Variants in MCU observed in about 807,000 individuals in gnomAD.
The protein encoded by MCU is calcium uniporter protein, mitochondrial.
In MCU, 12 loss-of-function variants were observed where a neutral mutation model predicts 45.2. The observed-to-expected ratio is 0.27, with a 90% CI of 0.17 to 0.43. The LOEUF is 0.43. Among genes scored for constraint, MCU ranks in the 20% least tolerant of loss-of-function variants. The probability of loss-of-function intolerance (pLI) is 1.00; values close to 1 mark genes in which losing one functional copy is unlikely to be tolerated. For synonymous variants in MCU, 160 were observed against 165.1 expected (o/e 0.97, Z 0.24); for missense variants, 324 against 436.7 (o/e 0.74, Z 2.30).
intron 1 of MCU, among the ~76,000 whole-genome samples, chr10:72,768,090 TA>T (rs1390803075): frequency 3.3e-5 from 5 of 151,150 alleles, no homozygotes; most frequent in African/African-American, 1.2e-4. Context: ...AACGAGCAGT[TA>T]TCTTTGAACC....
intron 1 of MCU, among the ~76,000 whole-genome samples, chr10:72,831,134 A>G (rs1844872159): frequency 6.6e-6 from 1 of 152,216 alleles, no homozygotes; most frequent in Non-Finnish European, 1.5e-5. Flanking sequence ...ATTTACAGAG[A>G]AGAATATGAA....
At chr10:72,735,366 T>C (rs887645982) in intron 1 of MCU, among the ~76,000 whole-genome samples, 2 of 152,130 alleles carry the variant, frequency 1.3e-5, no homozygotes, top group Non-Finnish European at 2.9e-5. Flanking sequence ...CCATATATGA[T>C]CTAAAAAGTT....
chr10:72,822,233 C>T (rs1465413195), intron 1 of MCU, among the ~76,000 whole-genome samples: 5 of 152,166 alleles, frequency 3.3e-5, no homozygotes, highest in Non-Finnish European at 4.4e-5. Context: ...GATCGCACCA[C>T]TGCACTCCAG....
chr10:72,825,742 T>A (rs1027614388), intron 1 of MCU, among the ~76,000 whole-genome samples: 3 of 152,210 alleles, frequency 2.0e-5, no homozygotes, highest in African/African-American at 7.2e-5. Context: ...TTGAACTGTT[T>A]CTCTAAACTA....
In MCU at chr10:72,875,653, CTTG is replaced by C. The variant is rs548462081; in HGVS notation, c.861+4076_861+4078del. The stretch of plus-strand genomic sequence containing the variant: ...ACTGCTGTTACTATGAGTTGCTGTA[CTTG>C]TTAACAGTCTAAATATATCCCAATA... On this transcript the variant is annotated intron_variant, in intron 6 of 7. Transcript: ENST00000373053. Among the ~76,000 whole-genome samples, 435 of 152,332 alleles carry C rather than the reference CTTG, an allele frequency of 2.9e-3. 2 individuals are homozygous for C. The highest frequency in any genetic ancestry group is 9.8e-3 in the African/African-American group (408 of 41,574).
At chr10:72,804,022 ATATAT>A (rs1844383506) in intron 1 of MCU, among the ~76,000 whole-genome samples, 14 of 6,202 alleles carry the variant, frequency 2.3e-3, no homozygotes, top group Admixed American at 2.3e-3. Context: ...AAGTAAATAT[ATATAT>A]ATATATATAT....
At chr10:72,715,856 A>G (rs1023138455) in intron 1 of MCU, 19 of 985,422 alleles carry the variant, frequency 1.9e-5, no homozygotes, top group Non-Finnish European at 1.9e-5. Flanking sequence ...TGTCTTAGGT[A>G]TTGGTGATGT....
At chr10:72,823,528 C>A (rs1361605830) in intron 1 of MCU, among the ~76,000 whole-genome samples, 1 of 152,142 alleles carries the variant, frequency 6.6e-6, no homozygotes, top group Non-Finnish European at 1.5e-5. Flanking sequence ...ATGTGAAAAT[C>A]ATCTTAACTC....
At chr10:72,692,830 C>G in intron 1 of MCU, 1 of 1,426,454 alleles carries the variant, frequency 7.0e-7, no homozygotes, top group East Asian at 2.5e-5. Context: ...CTCTCGTCCC[C>G]GAGGGGTCGG....
chr10:72,749,391 A>G (rs1463843213), intron 1 of MCU, among the ~76,000 whole-genome samples: 1 of 152,214 alleles, frequency 6.6e-6, no homozygotes, highest in Non-Finnish European at 1.5e-5. Flanking sequence ...CTAAGGTATA[A>G]GGTATTTACT....
At chr10:72,734,115 T>C (rs919991065) in intron 1 of MCU, among the ~76,000 whole-genome samples, 18 of 152,092 alleles carry the variant, frequency 1.2e-4, no homozygotes, top group African/African-American at 1.7e-4. Flanking sequence ...GTGCGTTTGC[T>C]CACACCTGTA....
chr10:72,829,522 A>G (rs1173752989), intron 1 of MCU, among the ~76,000 whole-genome samples: 1 of 151,692 alleles, frequency 6.6e-6, no homozygotes, highest in Non-Finnish European at 1.5e-5. Flanking sequence ...GTTTTTGCTG[A>G]CTTTTCTTTC....
intron 1 of MCU, among the ~76,000 whole-genome samples, chr10:72,801,510 A>G (rs1844341076): frequency 6.7e-6 from 1 of 149,588 alleles, no homozygotes; most frequent in Admixed American, 6.7e-5. Context: ...CTTCACATAA[A>G]CCCTACTTCT....
At chr10:72,726,948 G>A (rs1457286201) in intron 1 of MCU, among the ~76,000 whole-genome samples, 2 of 152,120 alleles carry the variant, frequency 1.3e-5, no homozygotes, top group Non-Finnish European at 2.9e-5. Context: ...TAAAACAAAA[G>A]TCTTTCATCA....
At chr10:72,874,601 A>G (rs538391914) in intron 6 of MCU, among the ~76,000 whole-genome samples, 1 of 152,330 alleles carries the variant, frequency 6.6e-6, no homozygotes, top group Non-Finnish European at 1.5e-5. Context: ...TGTGTCTAAT[A>G]GAGAAGAAAG....
chr10:72,771,050 T>A (rs1378816278), intron 1 of MCU, among the ~76,000 whole-genome samples: 1 of 152,192 alleles, frequency 6.6e-6, no homozygotes, highest in Non-Finnish European at 1.5e-5. Context: ...TCATGGTTTT[T>A]AAAAAATTAT....
At chr10:72,756,761 C>G (rs945891744) in intron 1 of MCU, 1 of 152,106 alleles carries the variant, frequency 6.6e-6, no homozygotes, top group East Asian at 1.9e-4. Context: ...TGCCCCGCCC[C>G]CCGTGTCCAG....
At chr10:72,824,559 A>G (rs187054869) in intron 1 of MCU, among the ~76,000 whole-genome samples, 5 of 152,126 alleles carry the variant, frequency 3.3e-5, no homozygotes, top group African/African-American at 1.2e-4. Flanking sequence ...TAAGACAGTT[A>G]TGTTAGAAAT....
At chr10:72,875,148 G>C (rs7082193) in intron 6 of MCU, among the ~76,000 whole-genome samples, 6,095 of 152,202 alleles carry the variant, frequency 0.04, 398 homozygotes, top group African/African-American at 0.14. Flanking sequence ...ATTGAATCCA[G>C]ATTTGTGTGG....
Sources: allele counts gnomAD v4.1 joint callset (sites outside exome capture counted in the v4.1 genomes callset), GRCh38; gene constraint gnomAD v4.1.1; transcripts MANE v1.5; gene names NCBI Gene and HGNC (gene_info 2026-07-23, HGNC 2026-07-21).